The following ERI3 variants were observed in gnomAD, a reference collection of about 807,000 sequenced individuals.
ERI3 encodes ERI1 exoribonuclease 3.
A neutral mutation model predicts 44.4 loss-of-function variants in ERI3; 18 were observed. That is an observed-to-expected ratio of 0.41 (90% CI 0.28 to 0.60). ERI3 has a LOEUF of 0.60. Ranked by LOEUF, ERI3 falls within the 20% of genes least tolerant of loss-of-function variation. The probability of loss-of-function intolerance (pLI) is 0.36; values close to 1 mark genes in which losing one functional copy is unlikely to be tolerated. For synonymous variants in ERI3, 183 were observed against 164.8 expected (o/e 1.11, Z -0.84); for missense variants, 294 against 435.5 (o/e 0.68, Z 2.89).
At chr1:44,223,254 C>T (rs564589179) in intron 8 of ERI3, among the ~76,000 whole-genome samples, 1 of 152,240 alleles carries the variant, frequency 6.6e-6, no homozygotes, top group African/African-American at 2.4e-5. Context: ...GGACACGCAC[C>T]CCGCTCAGCT....
chr1:44,270,150 G>A (rs1361779721), intron 7 of ERI3, among the ~76,000 whole-genome samples: 4 of 152,096 alleles, frequency 2.6e-5, no homozygotes, highest in East Asian at 3.9e-4. Context: ...ATCAAAAGAA[G>A]GGGAAAAAAC....
At chr1:44,276,336 A>T (rs905522416) in intron 7 of ERI3, among the ~76,000 whole-genome samples, 1 of 152,248 alleles carries the variant, frequency 6.6e-6, no homozygotes, top group African/African-American at 2.4e-5. Context: ...TGCAGTGTGC[A>T]CACACTTGCA....
intron 7 of ERI3, among the ~76,000 whole-genome samples, chr1:44,281,878 ATGTGTGTGTGTGTGTG>A (rs10574197): frequency 5.8e-4 from 74 of 127,018 alleles, no homozygotes; most frequent in South Asian, 4.5e-3. Context: ...ACATGTGCAT[ATGTGTGTGTGTGTGTG>A]TGTGTGTGTG....
At chr1:44,346,162 C>G (rs1457421470) in intron 2 of ERI3, among the ~76,000 whole-genome samples, 1 of 152,268 alleles carries the variant, frequency 6.6e-6, no homozygotes, top group Non-Finnish European at 1.5e-5. Flanking sequence ...CAGTCCCTGC[C>G]TTGGCCTGTA....
At chr1:44,264,294 C>G (rs574316893) in intron 7 of ERI3, among the ~76,000 whole-genome samples, 1 of 152,318 alleles carries the variant, frequency 6.6e-6, no homozygotes, top group East Asian at 1.9e-4. Context: ...AAACATCCTG[C>G]TTAGCCCTGA....
chr1:44,281,889 T>C (rs1162265030), intron 7 of ERI3, among the ~76,000 whole-genome samples: 2 of 133,284 alleles, frequency 1.5e-5, no homozygotes, highest in Non-Finnish European at 3.0e-5. Flanking sequence ...TGTGTGTGTG[T>C]GTGTGTGTGT....
At chr1:44,316,010 T>TA (rs1435392864) in intron 4 of ERI3, among the ~76,000 whole-genome samples, 6 of 151,042 alleles carry the variant, frequency 4.0e-5, no homozygotes, top group Non-Finnish European at 7.4e-5. Context: ...AAGTAAAAAT[T>TA]AGTTCCTCTA....
intron 3 of ERI3, among the ~76,000 whole-genome samples, chr1:44,337,427 A>C (rs1003567234): frequency 6.6e-6 from 1 of 152,226 alleles, no homozygotes; most frequent in Non-Finnish European, 1.5e-5. Context: ...TTCCCAGCAT[A>C]AGCACCAGCT....
chr1:44,283,952 C>T (rs544033644), intron 7 of ERI3: 2 of 468,078 alleles, frequency 4.3e-6, no homozygotes, highest in African/African-American at 4.0e-5. Context: ...CCCCCTTGAC[C>T]TCTCTCTTCT....
At chr1:44,302,673 C>T (rs1411346621) in intron 6 of ERI3, among the ~76,000 whole-genome samples, 1 of 152,234 alleles carries the variant, frequency 6.6e-6, no homozygotes, top group East Asian at 1.9e-4. Context: ...CACACCTCTA[C>T]CGATATCAAA....
chr1:44,281,875 CATATGTGTGTGT>C (rs1353271625), intron 7 of ERI3, among the ~76,000 whole-genome samples: 2 of 81,888 alleles, frequency 2.4e-5, no homozygotes, highest in African/African-American at 4.1e-5. Context: ...TATACATGTG[CATATGTGTGTGT>C]GTGTGTGTGT....
intron 6 of ERI3, among the ~76,000 whole-genome samples, chr1:44,293,395 A>G (rs1645548246): frequency 6.6e-6 from 1 of 152,176 alleles, no homozygotes; most frequent in Non-Finnish European, 1.5e-5. Flanking sequence ...GAGGACTAGG[A>G]TAAGAAGGAA....
chr1:44,283,191 T>A (rs564055293), intron 7 of ERI3, among the ~76,000 whole-genome samples: 1 of 152,298 alleles, frequency 6.6e-6, no homozygotes, highest in African/African-American at 2.4e-5. Context: ...ACCACATGCC[T>A]AGCTCTGCCT....
chr1:44,305,386 C>T (rs1301425644), intron 6 of ERI3, among the ~76,000 whole-genome samples: 2 of 152,144 alleles, frequency 1.3e-5, no homozygotes, highest in South Asian at 2.1e-4. Context: ...ACACCAAACC[C>T]TATGGGAAGC....
chr1:44,300,686 G>C (rs1645704778), intron 6 of ERI3, among the ~76,000 whole-genome samples: 1 of 152,184 alleles, frequency 6.6e-6, no homozygotes, highest in Admixed American at 6.5e-5. Context: ...CCCCAGCCAA[G>C]CCCACCATCA....
chr1:44,349,339 G>C (rs1192197761), intron 2 of ERI3, among the ~76,000 whole-genome samples: 1 of 152,056 alleles, frequency 6.6e-6, no homozygotes. Context: ...TTTTTGTAGA[G>C]ATGGGGTTTC....
intron 2 of ERI3, among the ~76,000 whole-genome samples, chr1:44,352,031 T>C (rs910385159): frequency 2.6e-5 from 4 of 152,138 alleles, no homozygotes; most frequent in African/African-American, 9.7e-5. Flanking sequence ...GTCTCTCCCA[T>C]GAATTTGTAA....
At chr1:44,342,007 AC>A (rs1646663877) in intron 2 of ERI3, among the ~76,000 whole-genome samples, 1 of 152,206 alleles carries the variant, frequency 6.6e-6, no homozygotes, top group South Asian at 2.1e-4. Flanking sequence ...CACTTCCCTT[AC>A]TTCTAACAAC....
intron 8 of ERI3, among the ~76,000 whole-genome samples, chr1:44,231,270 G>T (rs917444816): frequency 1.3e-5 from 2 of 152,096 alleles, no homozygotes; most frequent in Non-Finnish European, 2.9e-5. Flanking sequence ...GATTATGGAT[G>T]CCTAACCTGT....
Sources: allele counts gnomAD v4.1 joint callset (sites outside exome capture counted in the v4.1 genomes callset), GRCh38; gene constraint gnomAD v4.1.1; transcripts MANE v1.5; gene names NCBI Gene and HGNC (gene_info 2026-07-23, HGNC 2026-07-21).